Variants in DAB2 observed in about 807,000 individuals in gnomAD.
The protein encoded by DAB2 is disabled homolog 2.
DAB2 carries 28 observed loss-of-function variants against 71.6 expected under a neutral mutation model. The observed-to-expected ratio is 0.39, with a 90% confidence interval of 0.29 to 0.54. The LOEUF (loss-of-function observed/expected upper bound fraction) is 0.54, where lower values mean the gene tolerates loss of function less well. Among genes scored for constraint, DAB2 ranks in the 20% least tolerant of loss-of-function variants. The pLI is 0.68. For synonymous variants in DAB2, 345 were observed against 339.7 expected (o/e 1.02, Z -0.17); for missense variants, 867 against 928.8 (o/e 0.93, Z 0.86).
Position 39,382,738 on chromosome 5 carries a change from G to A in DAB2, c.1221C>T (p.Ser407=), listed in dbSNP as rs376512833. The A allele has an allele frequency of 1.9e-6, 3 of 1,614,178 alleles. No individual in the cohort carries two copies. The change falls in exon 10 of 15, where the codon TCC becomes TCT. Residue 407 remains serine (S), a synonymous_variant. Coordinates refer to ENST00000320816, the MANE Select transcript of DAB2 (RefSeq NM_001343.4). ...AGTCCTGCTTTACGCCATTCTGTAT[G>A]GACAGTCCTTTGGGAGGGCTTCCCA... ...PFVGSPPKGL[S]IQNGVKQDLE...
intron 1 of DAB2, among the ~76,000 whole-genome samples, chr5:39,413,189 T>A (rs1755771104): frequency 6.6e-6 from 1 of 152,096 alleles, no homozygotes; most frequent in Non-Finnish European, 1.5e-5. Flanking sequence ...ACTTGCCCTT[T>A]GGAGTGATTC....
At chr5:39,398,040 A>G (rs1487142787) in intron 1 of DAB2, among the ~76,000 whole-genome samples, 2 of 152,228 alleles carry the variant, frequency 1.3e-5, no homozygotes, top group African/African-American at 2.4e-5. Flanking sequence ...CACTGGCTGA[A>G]AAAGTGACCT....
At chr5:39,416,860 C>T (rs1168284179) in intron 1 of DAB2, among the ~76,000 whole-genome samples, 1 of 152,118 alleles carries the variant, frequency 6.6e-6, no homozygotes, top group African/African-American at 2.4e-5. Context: ...GCGCTTAAAA[C>T]ATTAGGGGTA....
At chr5:39,413,444 C>T (rs908351037) in intron 1 of DAB2, among the ~76,000 whole-genome samples, 4 of 152,042 alleles carry the variant, frequency 2.6e-5, no homozygotes, top group African/African-American at 9.6e-5. Context: ...ACAAAAGGGC[C>T]CCCCTAATGT....
intron 1 of DAB2, among the ~76,000 whole-genome samples, chr5:39,414,729 C>A (rs770632188): frequency 2.0e-5 from 3 of 150,678 alleles, no homozygotes; most frequent in Non-Finnish European, 4.4e-5. Context: ...GGGGGGTGGT[C>A]AGAATTGTTT....
chr5:39,381,392 G>C, intron 11 of DAB2, 62 bp downstream of exon 11: 1 of 1,513,950 alleles, frequency 6.6e-7, no homozygotes, highest in Non-Finnish European at 9.1e-7. Flanking sequence ...CTCTTCCGAT[G>C]CATCATCATT....
chr5:39,391,886 G>A (rs556908251), intron 4 of DAB2, among the ~76,000 whole-genome samples: 13 of 150,684 alleles, frequency 8.6e-5, no homozygotes, highest in South Asian at 2.1e-4. Context: ...TAGGTTAGCC[G>A]GTAAGTTCAC....
intron 10 of DAB2, among the ~76,000 whole-genome samples, 186 bp downstream of exon 10, chr5:39,382,432 T>C (rs536642161): frequency 5.9e-5 from 9 of 152,318 alleles, no homozygotes; most frequent in South Asian, 2.1e-4. Context: ...AAAACACTGC[T>C]GAGAAGCTTA....
chr5:39,383,003 T>C lies in DAB2; in HGVS notation c.956A>G (p.Gln319Arg), dbSNP rs1414656012. The C allele has an allele frequency of 6.2e-7, 1 of 1,614,152 alleles. No individual in the cohort carries two copies. Among genetic ancestry groups the C allele is most frequent in the South Asian group, 1.1e-5 (1 of 91,072 alleles). Reference sequence around the variant, plus strand: ...CGAGCTACTCGAATTCTCTTTCTTCTGATCTGGAGATTTGAGAGAATCAAA... The same window carrying C: ...CGAGCTACTCGAATTCTCTTTCTTCCGATCTGGAGATTTGAGAGAATCAAA... Reference protein sequence around the residue: ...SSFDSLKSPDQKKENSSSSST... With the variant: ...SSFDSLKSPDRKKENSSSSST... Residue 319 changes from glutamine (Q) to arginine (R), a missense_variant, in exon 10 of 15, where the codon CAG becomes CGG. Coordinates refer to ENST00000320816, the MANE Select transcript of DAB2 (RefSeq NM_001343.4).
At chr5:39,400,233 C>CTT (rs376493709) in intron 1 of DAB2, among the ~76,000 whole-genome samples, 5 of 146,614 alleles carry the variant, frequency 3.4e-5, no homozygotes, top group East Asian at 4.0e-4. Context: ...ATGTGTCTCT[C>CTT]TTTTTTTTTT....
chr5:39,383,256 G>A lies in DAB2; in HGVS notation c.703C>T (p.Leu235=). The change falls in exon 10 of 15, where the codon CTG becomes TTG. Residue 235 remains leucine, a synonymous_variant. Transcript: ENST00000320816. Reference sequence around the variant, plus strand: ...ATTTCAGAGTTTAGATCCACTAACAGGATATCTTTGCTTTCCTATCACATT... The same window carrying A: ...ATTTCAGAGTTTAGATCCACTAACAAGATATCTTTGCTTTCCTATCACATT... ...LNSPTESKDI[L]LVDLNSEIDT... The A allele has an allele frequency of 6.2e-7, 1 of 1,605,664 alleles. No homozygotes were observed. Among genetic ancestry groups the A allele is most frequent in the Non-Finnish European group, 8.5e-7 (1 of 1,174,736 alleles).
At chr5:39,390,616 GA>G in intron 4 of DAB2, 41 bp from the exon 5 acceptor site, 3 of 1,524,834 alleles carry the variant, frequency 2.0e-6, no homozygotes, top group Non-Finnish European at 2.7e-6. Flanking sequence ...AAGAAAACTA[GA>G]ATCTATTTGC....
chr5:39,389,999 C>A, intron 5 of DAB2, 67 bp from the exon 6 acceptor site: 2 of 1,134,296 alleles, frequency 1.8e-6, no homozygotes, highest in East Asian at 2.6e-5. Flanking sequence ...TGTCTGCTAT[C>A]AATTATAATT....
At chr5:39,399,253 G>A (rs1755444493) in intron 1 of DAB2, among the ~76,000 whole-genome samples, 1 of 152,090 alleles carries the variant, frequency 6.6e-6, no homozygotes, top group Admixed American at 6.5e-5. Flanking sequence ...AATTAGTCAG[G>A]AAATACACCC....
At chr5:39,388,121 A>G in intron 9 of DAB2, 184 bp downstream of exon 9, 1 of 569,164 alleles carries the variant, frequency 1.8e-6, no homozygotes, top group Non-Finnish European at 3.1e-6. Context: ...TAACTGAATT[A>G]GTGTGGATAG....
intron 2 of DAB2, among the ~76,000 whole-genome samples, chr5:39,393,950 A>T (rs1222284212): frequency 2.0e-5 from 3 of 152,244 alleles, no homozygotes; most frequent in Non-Finnish European, 4.4e-5. Flanking sequence ...TGATAACCAT[A>T]TAATAATTAA....
At chr5:39,403,552 T>C (rs957981891) in intron 1 of DAB2, among the ~76,000 whole-genome samples, 4 of 152,170 alleles carry the variant, frequency 2.6e-5, no homozygotes, top group African/African-American at 9.6e-5. Context: ...TGTCACTAGA[T>C]TCCTTTTTGC....
intron 1 of DAB2, among the ~76,000 whole-genome samples, chr5:39,397,252 A>G (rs1182138992): frequency 6.6e-6 from 1 of 152,078 alleles, no homozygotes; most frequent in Non-Finnish European, 1.5e-5. Context: ...CCTCTGGCAT[A>G]CTCTCTCCAG....
chr5:39,380,440 C>T (rs1025986677), intron 11 of DAB2, among the ~76,000 whole-genome samples: 1 of 152,154 alleles, frequency 6.6e-6, no homozygotes, highest in Non-Finnish European at 1.5e-5. Flanking sequence ...AAGCCAGGAT[C>T]CCTGGTCAGA....
Sources: gnomAD v4.1 joint callset for allele counts (sites outside exome capture counted in the v4.1 genomes callset) on GRCh38, gnomAD v4.1.1 for gene constraint, MANE v1.5 for transcripts, NCBI Gene and HGNC (gene_info 2026-07-23, HGNC 2026-07-21) for gene names.